JAKMIP1: variants seen among roughly 807,000 people sequenced by gnomAD.
The protein encoded by JAKMIP1 is janus kinase and microtubule-interacting protein 1.
JAKMIP1 carries 33 observed loss-of-function variants against 113.0 expected under a neutral mutation model. That is an observed-to-expected ratio of 0.29 (90% CI 0.22 to 0.39). The LOEUF is 0.39. Among genes scored for constraint, JAKMIP1 ranks in the 10% least tolerant of loss-of-function variants. The pLI is 1.00. For missense variants in JAKMIP1, 813 were observed against 1,080.5 expected, an observed-to-expected ratio of 0.75 and a Z score of 3.47; for synonymous variants, 480 against 459.9, an observed-to-expected ratio of 1.04 and a Z score of -0.56.
intron 13 of JAKMIP1, among the ~76,000 whole-genome samples, chr4:6,053,055 G>T (rs942910108): frequency 6.6e-6 from 1 of 152,216 alleles, no homozygotes; most frequent in African/African-American, 2.4e-5. Flanking sequence ...AGGGTTTCAC[G>T]CATGCAAAGG....
At position 6,078,937 on chromosome 4, in the gene JAKMIP1, A is replaced by G; in HGVS notation, c.1302+2T>C. On this transcript the variant is annotated splice_donor_variant, in intron 8 of 20. Coordinates refer to ENST00000409021, the MANE Select transcript of JAKMIP1 (RefSeq NM_001099433.2). LOFTEE classifies it high-confidence loss of function. ...AGGGCAGGTGCACCATCGCAGGCTC[A>G]CCTTGGGCGGTTTCAGACTTTTCCC... is the stretch of plus-strand genomic sequence containing the variant. The G allele has an allele frequency of 6.2e-7, 1 of 1,614,118 alleles. No homozygotes were observed. Among genetic ancestry groups the G allele is most frequent in the Non-Finnish European group, 8.5e-7 (1 of 1,179,992 alleles).
intron 1 of JAKMIP1, among the ~76,000 whole-genome samples, chr4:6,169,234 G>A (rs1016528636): frequency 6.6e-6 from 1 of 152,152 alleles, no homozygotes; most frequent in African/African-American, 2.4e-5. Context: ...CTCAGCTTGT[G>A]GCCATATTTG....
In JAKMIP1 at chr4:6,181,650, G is replaced by A. The variant is rs1041106079; in HGVS notation, c.-148+18603C>T. On this transcript the variant is annotated intron_variant, in intron 1 of 20. Transcript: ENST00000409021. This position sits in a 1 kb window ranked among gnomAD's most constrained non-coding sequence, Gnocchi z 5.4. ...AGGATATGCAGATGGAGGAGCAGGGGTCAAAGAAAAGTCAATTGGCATCAG... is the reference window on the plus strand; with the variant it reads ...AGGATATGCAGATGGAGGAGCAGGGATCAAAGAAAAGTCAATTGGCATCAG... Among the ~76,000 whole-genome samples the A allele has an allele frequency of 1.3e-5, 2 of 152,192 alleles. No individual in the cohort carries two copies. The highest frequency in any genetic ancestry group is 2.1e-4 in the South Asian group (1 of 4,826).
rs866697676 is a variant in JAKMIP1 at position 6,065,747 on chromosome 4, C to A, written c.1303-739G>T. 4.1e-4 allele frequency among the ~76,000 whole-genome samples: 62 copies of A among 152,328 alleles called. No individual in the cohort carries two copies. Among genetic ancestry groups the A allele is most frequent in the Middle Eastern group, 3.4e-3 (1 of 294 alleles). On this transcript the variant is annotated intron_variant, in intron 8 of 20. Coordinates refer to ENST00000409021, the MANE Select transcript of JAKMIP1 (RefSeq NM_001099433.2). This position sits in a 1 kb window ranked among gnomAD's most constrained non-coding sequence, Gnocchi z 5.1. ...ATGTGACGGCCTCTGAGTTGCCCTG[C>A]TGGCACTTCTCCCACTCCAAATATC... is the stretch of plus-strand genomic sequence containing the variant.
chr4:6,144,649 CA>C (rs1479506580), intron 1 of JAKMIP1, among the ~76,000 whole-genome samples: 5 of 152,038 alleles, frequency 3.3e-5, no homozygotes. Flanking sequence ...TAAATAGGTA[CA>C]AAAAAGACAT....
At position 6,168,329 on chromosome 4, in the gene JAKMIP1, A is replaced by T. The variant is rs1197132456; in HGVS notation, c.-148+31924T>A. Among the ~76,000 whole-genome samples, 1 of 152,202 alleles carries T rather than the reference A, an allele frequency of 6.6e-6. No individual in the cohort carries two copies. The highest frequency in any genetic ancestry group is 1.5e-5 in the Non-Finnish European group (1 of 68,028). The stretch of plus-strand genomic sequence containing the variant: ...TGGGAAAACATATGTGCACACAAAA[A>T]CATGTACACAAACATTCATGGCAGC... On this transcript the variant is annotated intron_variant, in intron 1 of 20. Coordinates refer to ENST00000409021, the MANE Select transcript of JAKMIP1 (RefSeq NM_001099433.2). This position sits in a 1 kb window ranked among gnomAD's most constrained non-coding sequence, Gnocchi z 4.6.
chr4:6,083,794 T>C (rs1373265472), intron 5 of JAKMIP1, among the ~76,000 whole-genome samples: 10 of 152,132 alleles, frequency 6.6e-5, no homozygotes, highest in Admixed American at 3.9e-4. Context: ...TGTCAAGAAG[T>C]TGATGTATCA....
At chr4:6,131,432 A>G (rs1370866960) in intron 1 of JAKMIP1, among the ~76,000 whole-genome samples, 1 of 151,558 alleles carries the variant, frequency 6.6e-6, no homozygotes, top group African/African-American at 2.4e-5. Flanking sequence ...AAGTAGAGAT[A>G]AAGAAAAGAT....
intron 8 of JAKMIP1, among the ~76,000 whole-genome samples, chr4:6,074,503 G>C (rs1719428646): frequency 6.6e-6 from 1 of 152,172 alleles, no homozygotes; most frequent in African/African-American, 2.4e-5. Flanking sequence ...GAGTGATGGG[G>C]GCATTTCAGG....
chr4:6,034,347 C>T (rs73798434), intron 19 of JAKMIP1, among the ~76,000 whole-genome samples: 17,280 of 151,884 alleles, frequency 0.11, 1,651 homozygotes, highest in African/African-American at 0.26. Context: ...GTTCAGAGCC[C>T]GGCCGTCTGG....
chr4:6,113,024 G>C, intron 1 of JAKMIP1, 27 bp from the exon 2 acceptor site: 1 of 1,034,622 alleles, frequency 9.7e-7, no homozygotes, highest in Non-Finnish European at 1.3e-6. Flanking sequence ...AACTGAGTTA[G>C]CAGAGACAGA....
Position 6,050,003 on chromosome 4 carries a change from C to A in JAKMIP1, c.1909-131G>T. ...TTTCTTTTCTGGCCAAGTTTTGCGC[C>A]CAGCCGTTCCTCTGGGGAGTGAGGG... On this transcript the variant is annotated intron_variant, in intron 14 of 20. Coordinates refer to ENST00000409021, the MANE Select transcript of JAKMIP1 (RefSeq NM_001099433.2). The surrounding 1 kb of genome is among the most constrained non-coding windows in gnomAD (Gnocchi z 7.4). 3.0e-6 allele frequency: 2 copies of A among 659,326 alleles called. No homozygotes were observed. The highest frequency in any genetic ancestry group is 2.7e-6 in the Non-Finnish European group (1 of 371,602). 40.8% of individuals were successfully genotyped at this position (659,326 alleles called of 1,614,324 possible).
rs1324521944 is a variant in JAKMIP1 at position 6,183,887 on chromosome 4, T to C, written c.-148+16366A>G. Among the ~76,000 whole-genome samples the C allele has an allele frequency of 1.3e-5, 2 of 152,182 alleles. No homozygotes were observed. The highest frequency in any genetic ancestry group is 2.1e-4 in the South Asian group (1 of 4,830). On this transcript the variant is annotated intron_variant, in intron 1 of 20. Coordinates refer to ENST00000409021, the MANE Select transcript of JAKMIP1 (RefSeq NM_001099433.2). This position sits in a 1 kb window ranked among gnomAD's most constrained non-coding sequence, Gnocchi z 5.3. The stretch of plus-strand genomic sequence containing the variant: ...CAAAAACGGAATCACAAATGCGGTA[T>C]GCAAATCGTCACAACAGAATATTTT...
In JAKMIP1 at chr4:6,108,819, A is replaced by G. The variant is rs1333387158; in HGVS notation, c.130-2852T>C. Among the ~76,000 whole-genome samples, 1 of 152,256 alleles carries G rather than the reference A, an allele frequency of 6.6e-6. No homozygotes were observed. The highest frequency in any genetic ancestry group is 1.5e-5 in the Non-Finnish European group (1 of 68,044). ...AAGCAAGAGGAGGCTGAAGGGAGCC[A>G]TGCGGCAGTGGATGCGTCTTGGGAC... On this transcript the variant is annotated intron_variant, in intron 2 of 20. Transcript: ENST00000409021. This position sits in a 1 kb window ranked among gnomAD's most constrained non-coding sequence, Gnocchi z 5.6.
At position 6,061,564 on chromosome 4, in the gene JAKMIP1, C is replaced by T. The variant is rs1717288999; in HGVS notation, c.1560+748G>A. 6.6e-6 allele frequency among the ~76,000 whole-genome samples: 1 copy of T among 152,208 alleles called. No homozygotes were observed. The highest frequency in any genetic ancestry group is 2.4e-5 in the African/African-American group (1 of 41,440). ...AGGCCCTGAGTCCGAGAAACCTGGC[C>T]TCGACTCCCAGCTCTGTTCAGCATC... On this transcript the variant is annotated intron_variant, in intron 10 of 20. Transcript: ENST00000409021. The surrounding 1 kb of genome is among the most constrained non-coding windows in gnomAD (Gnocchi z 5.3).
In JAKMIP1 at chr4:6,076,915, G is replaced by A. The variant is rs1197635137; in HGVS notation, c.1302+2024C>T. On this transcript the variant is annotated intron_variant, in intron 8 of 20. Transcript: ENST00000409021. This position sits in a 1 kb window ranked among gnomAD's most constrained non-coding sequence, Gnocchi z 4.8. Reference sequence around the variant, plus strand: ...TGCAACCTGTCACATGAGGCCAGGTGTGAAATTTCCCTGGCCTCATGTTGG... The same window carrying A: ...TGCAACCTGTCACATGAGGCCAGGTATGAAATTTCCCTGGCCTCATGTTGG... Among the ~76,000 whole-genome samples, 1 of 152,158 alleles carries A rather than the reference G, an allele frequency of 6.6e-6. No homozygotes were observed. Among genetic ancestry groups the A allele is most frequent in the African/African-American group, 2.4e-5 (1 of 41,450 alleles).
intron 1 of JAKMIP1, among the ~76,000 whole-genome samples, chr4:6,120,460 A>G (rs1301366956): frequency 6.6e-6 from 1 of 152,202 alleles, no homozygotes; most frequent in Admixed American, 6.5e-5. Context: ...AAATAACCTC[A>G]GGACCCAAAA....
chr4:6,167,691 G>T lies in JAKMIP1; in HGVS notation c.-148+32562C>A, dbSNP rs1723808499. On this transcript the variant is annotated intron_variant, in intron 1 of 20. Coordinates refer to ENST00000409021, the MANE Select transcript of JAKMIP1 (RefSeq NM_001099433.2). This position sits in a 1 kb window ranked among gnomAD's most constrained non-coding sequence, Gnocchi z 5.3. The stretch of plus-strand genomic sequence containing the variant: ...ACTGAGCTTAGAGTGACACGTGTCA[G>T]CTCCCTCCACCCCACCATGAATGTA... Among the ~76,000 whole-genome samples the T allele has an allele frequency of 1.3e-5, 2 of 152,172 alleles. No individual in the cohort carries two copies. The highest frequency in any genetic ancestry group is 4.8e-5 in the African/African-American group (2 of 41,436).
chr4:6,084,820 AC>A (rs1302089182), intron 5 of JAKMIP1, 25 bp downstream of exon 5: 1 of 1,608,276 alleles, frequency 6.2e-7, no homozygotes, highest in East Asian at 2.2e-5. Flanking sequence ...CCTATGAGGC[AC>A]CGCCTGTCTC....
Sources: allele counts gnomAD v4.1 joint callset (sites outside exome capture counted in the v4.1 genomes callset), GRCh38; gene constraint gnomAD v4.1.1; non-coding constraint Gnocchi (gnomAD v3.1); transcripts MANE v1.5; gene names NCBI Gene and HGNC (gene_info 2026-07-23, HGNC 2026-07-21).